SPIDR: variants seen among roughly 807,000 people sequenced by gnomAD.
SPIDR encodes the protein scaffold protein involved in DNA repair, also known as DNA repair-scaffolding protein.
Under a neutral mutation model 104.6 loss-of-function variants are expected in SPIDR, and 93 were observed. The ratio of observed to expected loss-of-function variants is 0.89; its 90% CI spans 0.75 to 1.06. The LOEUF is 1.06. Among genes scored for constraint, SPIDR ranks in the 50% least tolerant of loss-of-function variants. SPIDR has a pLI of 0.00. For synonymous variants in SPIDR, 431 were observed against 416.9 expected, an observed-to-expected ratio of 1.03 and a Z score of -0.41; for missense variants, 1,154 against 1,111.2, an observed-to-expected ratio of 1.04 and a Z score of -0.55.
intron 11 of SPIDR, among the ~76,000 whole-genome samples, chr8:47,677,473 A>G (rs2076590525): frequency 6.6e-6 from 1 of 152,236 alleles, no homozygotes; most frequent in Non-Finnish European, 1.5e-5. Context: ...CCAACTTGTT[A>G]AAACAACCAC....
At chr8:47,443,768 C>T (rs1371700128) in intron 8 of SPIDR, among the ~76,000 whole-genome samples, 2 of 150,058 alleles carry the variant, frequency 1.3e-5, no homozygotes, top group African/African-American at 4.9e-5. Flanking sequence ...AACATGGGCA[C>T]AGTTTTTTAA....
intron 5 of SPIDR, among the ~76,000 whole-genome samples, chr8:47,346,264 G>A (rs369245726): frequency 8.5e-5 from 13 of 152,138 alleles, no homozygotes; most frequent in East Asian, 7.7e-4. Flanking sequence ...GATGGATTAC[G>A]TTTATTGATT....
chr8:47,636,133 G>A (rs138678678), intron 10 of SPIDR, among the ~76,000 whole-genome samples: 312 of 152,136 alleles, frequency 2.1e-3, no homozygotes, highest in Admixed American at 4.3e-3. Context: ...TCACATTTTG[G>A]CAATTCTCAT....
chr8:47,526,064 C>T (rs1393588475), intron 8 of SPIDR, among the ~76,000 whole-genome samples: 1 of 152,188 alleles, frequency 6.6e-6, no homozygotes, highest in Non-Finnish European at 1.5e-5. Context: ...CCTTACGAAT[C>T]TTGTATTCCC....
Position 47,374,522 on chromosome 8 carries a change from A to G in SPIDR, c.526-21854A>G, listed in dbSNP as rs375051027. Among the ~76,000 whole-genome samples, 7 of 152,292 alleles carry G rather than the reference A, an allele frequency of 4.6e-5. No individual in the cohort carries two copies. The East Asian group carries it at 1.4e-3, about 29-fold the overall frequency. On this transcript the variant is annotated intron_variant, in intron 5 of 19. Coordinates refer to ENST00000297423, the MANE Select transcript of SPIDR (RefSeq NM_001080394.4). Reference sequence around the variant, plus strand: ...TTTAGGCTAAATTATTTTGTCTTGCATATGTAGTTTTAAGTCTAAATATCC... The same window carrying G: ...TTTAGGCTAAATTATTTTGTCTTGCGTATGTAGTTTTAAGTCTAAATATCC...
chr8:47,265,512 A>G (rs2033767730), intron 1 of SPIDR, among the ~76,000 whole-genome samples: 1 of 151,934 alleles, frequency 6.6e-6, no homozygotes. Flanking sequence ...TATTCCTCAA[A>G]CCAAAGGGAA....
At chr8:47,707,252 C>CAAA (rs34372972) in intron 14 of SPIDR, among the ~76,000 whole-genome samples, 3 of 95,430 alleles carry the variant, frequency 3.1e-5, no homozygotes, top group South Asian at 2.9e-4. Flanking sequence ...GACTCTTTCT[C>CAAA]AAAAAAAAAA....
At chr8:47,697,536 A>G (rs7462209) in intron 11 of SPIDR, among the ~76,000 whole-genome samples, 103,527 of 152,106 alleles carry the variant, frequency 0.68, 35,601 homozygotes, top group East Asian at 0.82. Flanking sequence ...TTAGGAAAGC[A>G]CGCGTGGGCT....
chr8:47,410,984 T>A (rs2063442477), intron 7 of SPIDR, among the ~76,000 whole-genome samples: 1 of 152,236 alleles, frequency 6.6e-6, no homozygotes, highest in Non-Finnish European at 1.5e-5. Flanking sequence ...ACAAAGGACA[T>A]GAACTCATCC....
At chr8:47,298,628 G>C (rs1554574521) in intron 5 of SPIDR, among the ~76,000 whole-genome samples, 1 of 152,154 alleles carries the variant, frequency 6.6e-6, no homozygotes, top group African/African-American at 2.4e-5. Flanking sequence ...ATTAATTTTT[G>C]TATAAGGTGT....
intron 1 of SPIDR, among the ~76,000 whole-genome samples, chr8:47,262,400 A>G (rs1202487082): frequency 6.6e-6 from 1 of 152,146 alleles, no homozygotes; most frequent in Non-Finnish European, 1.5e-5. Context: ...AGCAGTTCAT[A>G]ACAAATGTTT....
intron 8 of SPIDR, among the ~76,000 whole-genome samples, chr8:47,523,766 C>G (rs2084551769): frequency 6.6e-6 from 1 of 152,166 alleles, no homozygotes; most frequent in African/African-American, 2.4e-5. Context: ...AGGCCGCAGC[C>G]TTCTCAATAA....
At chr8:47,336,183 G>A (rs376619355) in intron 5 of SPIDR, among the ~76,000 whole-genome samples, 4 of 152,086 alleles carry the variant, frequency 2.6e-5, no homozygotes, top group African/African-American at 4.8e-5. Flanking sequence ...GTAGTCCATT[G>A]TATAGATGTA....
chr8:47,325,693 C>T (rs1340106348), intron 5 of SPIDR, among the ~76,000 whole-genome samples: 1 of 152,152 alleles, frequency 6.6e-6, no homozygotes, highest in African/African-American at 2.4e-5. Context: ...GCAGCTGTAG[C>T]TTCAACATTC....
intron 16 of SPIDR, among the ~76,000 whole-genome samples, chr8:47,722,683 G>A (rs373825815): frequency 6.6e-6 from 1 of 152,214 alleles, no homozygotes; most frequent in South Asian, 2.1e-4. Context: ...TCTACAGATT[G>A]ATTCTCAAAG....
In SPIDR at chr8:47,396,546, G is replaced by C. The variant is rs1554658677; in HGVS notation, c.696G>C (p.Glu232Asp). The C allele has an allele frequency of 2.5e-6, 4 of 1,614,062 alleles. No individual in the cohort carries two copies. Among genetic ancestry groups the C allele is most frequent in the African/African-American group, 1.3e-5 (1 of 75,026 alleles). Residue 232 changes from glutamate (E) to aspartate (D), a missense_variant, in exon 6 of 20, where the codon GAG becomes GAC. Transcript: ENST00000297423. ...TAGATCCAAGGACAAAATCAACAGA[G>C]ACCATTTTGCATACACCTCAGAAAC... Reference protein sequence around the residue: ...RLIDPRTKSTETILHTPQKPT... With the variant: ...RLIDPRTKSTDTILHTPQKPT...
chr8:47,516,089 G>A (rs1189202790), intron 8 of SPIDR, among the ~76,000 whole-genome samples: 2 of 152,130 alleles, frequency 1.3e-5, no homozygotes, highest in Non-Finnish European at 2.9e-5. Flanking sequence ...GATTACAGGC[G>A]TGAGCCACTG....
intron 5 of SPIDR, among the ~76,000 whole-genome samples, chr8:47,386,924 TATAGATATAG>T (rs2060009207): frequency 7.2e-6 from 1 of 139,390 alleles, no homozygotes; most frequent in Non-Finnish European, 1.5e-5. Context: ...TAGATATAGA[TATAGATATAG>T]ATATAGATAT....
At chr8:47,404,738 CTT>C (rs1358814676) in intron 6 of SPIDR, among the ~76,000 whole-genome samples, 1 of 152,184 alleles carries the variant, frequency 6.6e-6, no homozygotes, top group Non-Finnish European at 1.5e-5. Context: ...AATAGGAACA[CTT>C]TTACACTGTT....
Sources: allele counts gnomAD v4.1 joint callset (sites outside exome capture counted in the v4.1 genomes callset), GRCh38; gene constraint gnomAD v4.1.1; transcripts MANE v1.5; gene names NCBI Gene and HGNC (gene_info 2026-07-23, HGNC 2026-07-21).